SNX25: variants seen among roughly 807,000 people sequenced by gnomAD.
The protein encoded by SNX25 is sorting nexin-25.
A neutral mutation model predicts 113.7 loss-of-function variants in SNX25; 62 were observed. The ratio of observed to expected loss-of-function variants is 0.55; its 90% CI spans 0.44 to 0.67. The LOEUF (loss-of-function observed/expected upper bound fraction) is 0.67. Among genes scored for constraint, SNX25 ranks in the 30% least tolerant of loss-of-function variants. The pLI is 0.00. For synonymous variants in SNX25, 421 were observed against 436.2 expected (o/e 0.97, Z 0.43); for missense variants, 1,014 against 1,161.0 (o/e 0.87, Z 1.84).
intron 6 of SNX25, among the ~76,000 whole-genome samples, chr4:185,299,611 C>T (rs989035926): frequency 2.0e-5 from 3 of 152,150 alleles, no homozygotes; most frequent in African/African-American, 7.2e-5. Context: ...TTCATATTTG[C>T]CTTTTAGTAC....
chr4:185,319,947 A>C (rs2095107053), intron 7 of SNX25, among the ~76,000 whole-genome samples: 1 of 152,212 alleles, frequency 6.6e-6, no homozygotes, highest in South Asian at 2.1e-4. Flanking sequence ...TGCCAGTCAG[A>C]ATGGCAATTA....
At position 185,362,094 on chromosome 4, in the gene SNX25, A is replaced by C; in HGVS notation, c.2822A>C (p.Glu941Ala). ...TKQRAQQKLLENIPDMLQSLV... is the reference protein window; with the variant it reads ...TKQRAQQKLLANIPDMLQSLV... Reference sequence around the variant, plus strand: ...CAGAGAGCACAGCAAAAGCTGCTTGAAAACATTCCAGGTGAGGCCTGGGCT... The same window carrying C: ...CAGAGAGCACAGCAAAAGCTGCTTGCAAACATTCCAGGTGAGGCCTGGGCT... The change falls in exon 17 of 19, where the codon GAA becomes GCA. Residue 941 changes from glutamate to alanine, a missense_variant. Physicochemically the swap from Glu to Ala is moderately radical, Grantham distance 107. Coordinates refer to ENST00000652585, the MANE Select transcript of SNX25 (RefSeq NM_001378034.2). The C allele has an allele frequency of 2.5e-6, 4 of 1,612,574 alleles. No individual in the cohort carries two copies. The highest frequency in any genetic ancestry group is 3.4e-6 in the Non-Finnish European group (4 of 1,179,068).
chr4:185,331,486 A>G (rs1445559975), intron 9 of SNX25, among the ~76,000 whole-genome samples: 1 of 152,228 alleles, frequency 6.6e-6, no homozygotes. Flanking sequence ...ACAACCAGTT[A>G]AAAGAACATA....
At chr4:185,332,518 A>G in intron 9 of SNX25, 77 bp from the exon 10 acceptor site, 4 of 1,362,196 alleles carry the variant, frequency 2.9e-6, no homozygotes, top group Admixed American at 2.5e-5. Context: ...GTATTTTGCA[A>G]CAGGGTATCG....
intron 16 of SNX25, among the ~76,000 whole-genome samples, chr4:185,360,930 AATATAT>A (rs3047488): frequency 0.25 from 34,419 of 139,578 alleles, 4,459 homozygotes; most frequent in African/African-American, 0.35. Context: ...AAAAAAAAAT[AATATAT>A]ATATATATAT....
exon 1 of SNX25, chr4:185,204,438 T>C (rs1737096902): frequency 6.6e-6 from 1 of 152,226 alleles, no homozygotes; most frequent in African/African-American, 2.4e-5. Context: ...GGTTTCAGAA[T>C]GGAAAGACCT....
chr4:185,377,534 ACAAC>A, the SNX25 span: 272 of 168,112 alleles, frequency 1.6e-3, 2 homozygotes, highest in African/African-American at 6.3e-3. Context: ...AACAACAACA[ACAAC>A]AAACAATACT....
At chr4:185,320,670 G>A in intron 7 of SNX25, 63 bp from the exon 8 acceptor site, 2 of 1,306,872 alleles carry the variant, frequency 1.5e-6, no homozygotes, top group Non-Finnish European at 2.0e-6. Flanking sequence ...TCCATTGGAA[G>A]TTAAAGCAAA....
Position 185,241,504 on chromosome 4 carries a change from C to T in SNX25, c.430-5790C>T, listed in dbSNP as rs147726662. Among the ~76,000 whole-genome samples the T allele has an allele frequency of 7.2e-3, 111 of 15,412 alleles. 33 individuals are homozygous for T. Among genetic ancestry groups the T allele is most frequent in the Admixed American group, 0.032 (27 of 848 alleles). 10.1% of individuals were successfully genotyped at this position (15,412 alleles called of 152,430 possible). Reference sequence around the variant, plus strand: ...AGGGAGACTGTGGGGAGAGGGAGACCGTGGGGAGAGGGAGAGGGAGAGGAG... The same window carrying T: ...AGGGAGACTGTGGGGAGAGGGAGACTGTGGGGAGAGGGAGAGGGAGAGGAG... On this transcript the variant is annotated intron_variant, in intron 1 of 18. Transcript: ENST00000652585.
Position 185,277,885 on chromosome 4 carries a change from A to G in SNX25, c.1092-10127A>G, listed in dbSNP as rs1434037770. ...GTAGCTGGGACTACAGGCGCCCGCC[A>G]CTACGCCCGGCTAATTTTTTGTATT... is the stretch of plus-strand genomic sequence containing the variant. On this transcript the variant is annotated intron_variant, in intron 5 of 18. Transcript: ENST00000652585. 2.1e-5 allele frequency among the ~76,000 whole-genome samples: 2 copies of G among 93,858 alleles called. 1 individual carries two copies. The highest frequency in any genetic ancestry group is 2.3e-4 in the Admixed American group (2 of 8,770). 61.6% of individuals were successfully genotyped at this position (93,858 alleles called of 152,430 possible). A position where few individuals can be genotyped will look rare whatever the true frequency, so the allele number is the denominator to read the frequency against.
At chr4:185,220,942 C>G (rs1055941494) in intron 1 of SNX25, among the ~76,000 whole-genome samples, 15 of 152,122 alleles carry the variant, frequency 9.9e-5, no homozygotes, top group Non-Finnish European at 2.2e-4. Flanking sequence ...TGGCTCACCG[C>G]AGCATCAGCC....
At chr4:185,375,455 CAAAAAAAAAAAAAAA>C in the SNX25 span, among the ~76,000 whole-genome samples, 4 of 14,772 alleles carry the variant, frequency 2.7e-4, no homozygotes, top group African/African-American at 8.7e-4. Flanking sequence ...GACTCCGTCT[CAAAAAAAAAAAAAAA>C]AAAAAAAAAA....
chr4:185,285,951 T>A (rs540496212), intron 5 of SNX25, among the ~76,000 whole-genome samples: 2 of 151,506 alleles, frequency 1.3e-5, no homozygotes, highest in Admixed American at 1.3e-4. Flanking sequence ...TTTTTTTTTT[T>A]ATTTTTAGTA....
intron 5 of SNX25, among the ~76,000 whole-genome samples, chr4:185,277,449 A>G (rs908929302): frequency 6.6e-6 from 1 of 152,174 alleles, no homozygotes; most frequent in Non-Finnish European, 1.5e-5. Context: ...GTCGTTTTCA[A>G]CAACTGGCTT....
At chr4:185,228,559 C>T (rs989289699) in intron 1 of SNX25, among the ~76,000 whole-genome samples, 5 of 151,906 alleles carry the variant, frequency 3.3e-5, no homozygotes, top group African/African-American at 7.3e-5. Flanking sequence ...TTTTTTTAGA[C>T]AGCATCTTGC....
At chr4:185,376,360 C>G in the SNX25 span, among the ~76,000 whole-genome samples, 1 of 152,084 alleles carries the variant, frequency 6.6e-6, no homozygotes, top group Non-Finnish European at 1.5e-5. Flanking sequence ...TCACTGCAAC[C>G]TCTGCCTCCT....
At chr4:185,229,101 G>T (rs913703759) in intron 1 of SNX25, among the ~76,000 whole-genome samples, 2 of 152,130 alleles carry the variant, frequency 1.3e-5, no homozygotes, top group African/African-American at 2.4e-5. Context: ...AGCAACGCCC[G>T]CGGTGTGGTT....
chr4:185,251,598 CGTGTGT>C lies in SNX25; in HGVS notation c.514+4254_514+4259del, dbSNP rs71593618. Among the ~76,000 whole-genome samples the C allele has an allele frequency of 8.7e-3, 1,282 of 147,254 alleles. 12 individuals carry two copies. The highest frequency in any genetic ancestry group is 0.055 in the South Asian group (254 of 4,606). On this transcript the variant is annotated intron_variant, in intron 2 of 18. Transcript: ENST00000652585. The stretch of plus-strand genomic sequence containing the variant: ...TTTCAGGCTGAATGATATTCCATTG[CGTGTGT>C]GTGTGTGTGTGTGTGTGTGTGTGTG...
chr4:185,370,808 AGCGATCCT>A (rs987182830), downstream of SNX25: 7 of 1,614,118 alleles, frequency 4.3e-6, no homozygotes, highest in Admixed American at 8.3e-5. Context: ...CATCATAGTC[AGCGATCCT>A]GAGAGGATGT....
Sources: gnomAD v4.1 joint callset for allele counts (sites outside exome capture counted in the v4.1 genomes callset) on GRCh38, gnomAD v4.1.1 for gene constraint, MANE v1.5 for transcripts, NCBI Gene and HGNC (gene_info 2026-07-23, HGNC 2026-07-21) for gene names.